The following ARHGEF4 variants were observed in gnomAD, a reference collection of about 807,000 sequenced individuals.
ARHGEF4 encodes APC-stimulated guanine nucleotide exchange factor 1.
A neutral mutation model predicts 162.0 loss-of-function variants in ARHGEF4; 119 were observed. The observed-to-expected ratio is 0.73, with a 90% CI of 0.63 to 0.86. The LOEUF (loss-of-function observed/expected upper bound fraction) is 0.86, where lower values mean the gene tolerates loss of function less well. Among genes scored for constraint, ARHGEF4 ranks in the 40% least tolerant of loss-of-function variants. The pLI is 0.00. For synonymous variants in ARHGEF4, 1,014 were observed against 979.9 expected, an observed-to-expected ratio of 1.03 and a Z score of -0.65; for missense variants, 2,488 against 2,456.0, an observed-to-expected ratio of 1.01 and a Z score of -0.28.
chr2:130,871,227 T>C (rs1678458344), intron 1 of ARHGEF4, among the ~76,000 whole-genome samples: 2 of 152,170 alleles, frequency 1.3e-5, no homozygotes, highest in African/African-American at 2.4e-5. Flanking sequence ...TTTAAAATGC[T>C]CATTAATATA....
chr2:130,946,660 G>T, intron 4 of ARHGEF4, 25 bp downstream of exon 4: 1 of 1,613,036 alleles, frequency 6.2e-7, no homozygotes, highest in Non-Finnish European at 8.5e-7. Context: ...TCTCTCTTTT[G>T]CTATGTACTC....
intron 4 of ARHGEF4, among the ~76,000 whole-genome samples, chr2:131,019,880 C>T (rs574272322): frequency 4.6e-5 from 7 of 152,194 alleles, no homozygotes; most frequent in South Asian, 4.1e-4. Flanking sequence ...GTGATCCGCC[C>T]GCCTCGGCCT....
chr2:130,991,535 C>G (rs981794932), intron 4 of ARHGEF4, among the ~76,000 whole-genome samples: 1 of 152,180 alleles, frequency 6.6e-6, no homozygotes, highest in Admixed American at 6.5e-5. Flanking sequence ...GCCCGGCACT[C>G]GGAGCAGCCG....
chr2:130,856,125 A>G (rs1427919332), intron 1 of ARHGEF4, among the ~76,000 whole-genome samples: 1 of 152,236 alleles, frequency 6.6e-6, no homozygotes, highest in East Asian at 1.9e-4. Context: ...CCATGAATAA[A>G]GAATTCAAGG....
intron 4 of ARHGEF4, among the ~76,000 whole-genome samples, chr2:130,955,145 C>T (rs1030546552): frequency 3.3e-5 from 5 of 152,106 alleles, no homozygotes; most frequent in Admixed American, 6.5e-5. Context: ...GATTTGAATG[C>T]GTTCATTGAT....
chr2:130,916,744 G>C lies in ARHGEF4; in HGVS notation c.2798G>C (p.Arg933Pro), dbSNP rs1488296711. Reference protein sequence around the residue: ...IVLEKENTHERSPSSPKGEKE... With the variant: ...IVLEKENTHEPSPSSPKGEKE... Reference sequence around the variant, plus strand: ...CTAGAGAAAGAGAACACCCATGAACGTTCCCCAAGTTCTCCCAAGGGCGAG... The same window carrying C: ...CTAGAGAAAGAGAACACCCATGAACCTTCCCCAAGTTCTCCCAAGGGCGAG... Residue 933 changes from arginine to proline, a missense_variant, in exon 2 of 14, where the codon CGT (arginine) becomes CCT (proline). Physicochemically the swap from Arg to Pro is moderately radical, Grantham distance 103 (BLOSUM62 -2). This residue lies in a region of ARHGEF4 where 1,642 missense variants were observed against 1,481.5 expected (regional missense o/e 1.11). Coordinates refer to ENST00000409359, the MANE Select transcript of ARHGEF4 (RefSeq NM_001367493.1). The C allele has an allele frequency of 7.7e-6, 12 of 1,550,544 alleles. No individual in the cohort carries two copies. Among genetic ancestry groups the C allele is most frequent in the Admixed American group, 5.9e-5 (3 of 50,980 alleles).
intron 4 of ARHGEF4, among the ~76,000 whole-genome samples, chr2:131,020,226 A>T (rs1689021669): frequency 6.6e-6 from 1 of 151,912 alleles, no homozygotes; most frequent in South Asian, 2.1e-4. Flanking sequence ...TTTAGGGTAC[A>T]TGTGCACAAT....
intron 4 of ARHGEF4, among the ~76,000 whole-genome samples, chr2:130,950,997 C>T (rs1683926473): frequency 6.6e-6 from 1 of 152,214 alleles, no homozygotes; most frequent in South Asian, 2.1e-4. Flanking sequence ...GTCCTTAAAT[C>T]TCAGGAACCA....
chr2:131,002,625 T>G (rs1214774996), intron 4 of ARHGEF4, among the ~76,000 whole-genome samples: 4 of 143,052 alleles, frequency 2.8e-5, no homozygotes, highest in East Asian at 2.1e-4. Context: ...CAGGAGAATG[T>G]CGTGAACCCG....
At chr2:130,966,099 C>T (rs1490555867) in intron 4 of ARHGEF4, among the ~76,000 whole-genome samples, 2 of 152,138 alleles carry the variant, frequency 1.3e-5, no homozygotes, top group Non-Finnish European at 2.9e-5. Context: ...GCACACTACC[C>T]GGGGAGTGCT....
chr2:130,873,590 A>C (rs1266643978), intron 1 of ARHGEF4, among the ~76,000 whole-genome samples: 1 of 151,030 alleles, frequency 6.6e-6, no homozygotes, highest in Non-Finnish European at 1.5e-5. Flanking sequence ...TCCATCTCAA[A>C]AAAAAAAAAA....
At chr2:130,905,181 C>A (rs1295523418) in intron 1 of ARHGEF4, among the ~76,000 whole-genome samples, 1 of 152,132 alleles carries the variant, frequency 6.6e-6, no homozygotes, top group Admixed American at 6.5e-5. Context: ...AAAATTATCG[C>A]ACATTCTCTA....
chr2:130,866,469 A>T (rs1167026776), intron 1 of ARHGEF4, among the ~76,000 whole-genome samples: 1 of 152,158 alleles, frequency 6.6e-6, no homozygotes. Context: ...ATGCTATGTT[A>T]TGTGGCAAAG....
At chr2:130,919,590 T>C (rs1681740129) in intron 2 of ARHGEF4, among the ~76,000 whole-genome samples, 1 of 152,152 alleles carries the variant, frequency 6.6e-6, no homozygotes, top group African/African-American at 2.4e-5. Flanking sequence ...TTAATAGTGA[T>C]ATAGGCCATG....
Position 131,007,800 on chromosome 2 carries a change from C to CTTTTTTTTTTTTT in ARHGEF4, c.3986-20129_3986-20117dup, listed in dbSNP as rs70994731. ...TAAAGCTAAATTATTCTTTTCTTTT[C>CTTTTTTTTTTTTT]TTTTTTTTTTTTTTTTTTTTTTTTT... On this transcript the variant is annotated intron_variant, in intron 4 of 13. Coordinates refer to ENST00000409359, the MANE Select transcript of ARHGEF4 (RefSeq NM_001367493.1). Among the ~76,000 whole-genome samples, 22 of 55,918 alleles carry CTTTTTTTTTTTTT rather than the reference C, an allele frequency of 3.9e-4. 3 individuals carry two copies. In the East Asian group the frequency reaches 5.2e-3, roughly 13 times the overall value. 36.7% of individuals were successfully genotyped at this position (55,918 alleles called of 152,430 possible). A position where few individuals can be genotyped will look rare whatever the true frequency, so the allele number is the denominator to read the frequency against.
At chr2:131,026,806 T>C (rs1239814040) in intron 4 of ARHGEF4, among the ~76,000 whole-genome samples, 1 of 152,192 alleles carries the variant, frequency 6.6e-6, no homozygotes, top group Admixed American at 6.5e-5. Flanking sequence ...TCTGGGAAAC[T>C]ATTTGGTGTG....
In ARHGEF4 at chr2:131,046,429, G is replaced by C; in HGVS notation, c.*240G>C. ...CCGCACTCGCCACACCGCCGCTGCA[G>C]CTTGGGCCCCATCCGCCCTCTGGAC... On this transcript the variant is annotated 3_prime_UTR_variant, in exon 14 of 14. Coordinates refer to ENST00000409359, the MANE Select transcript of ARHGEF4 (RefSeq NM_001367493.1). 1.9e-6 allele frequency: 1 copy of C among 534,118 alleles called. No homozygotes were observed. The highest frequency in any genetic ancestry group is 3.3e-6 in the Non-Finnish European group (1 of 300,134). 33.1% of individuals were successfully genotyped at this position (534,118 alleles called of 1,614,324 possible). A position where few individuals can be genotyped will look rare whatever the true frequency, so the allele number is the denominator to read the frequency against.
intron 4 of ARHGEF4, among the ~76,000 whole-genome samples, chr2:131,018,939 G>T (rs1688925775): frequency 6.6e-6 from 1 of 152,122 alleles, no homozygotes; most frequent in Non-Finnish European, 1.5e-5. Flanking sequence ...AGTTCTATTG[G>T]TCTATATATC....
chr2:131,003,236 A>G lies in ARHGEF4; in HGVS notation c.3986-24709A>G, dbSNP rs182161295. Among the ~76,000 whole-genome samples, 215 of 152,314 alleles carry G rather than the reference A, an allele frequency of 1.4e-3. 3 individuals carry two copies. The highest frequency in any genetic ancestry group is 6.8e-3 in the Middle Eastern group (2 of 294). ...GCACGCACTCTGTACCCAGAGGTCC[A>G]GGTCATGCCGTAAGACACACCCCCT... On this transcript the variant is annotated intron_variant, in intron 4 of 13. Transcript: ENST00000409359.
Sources: gnomAD v4.1 joint callset for allele counts (sites outside exome capture counted in the v4.1 genomes callset) on GRCh38, gnomAD v4.1.1 for gene constraint, gnomAD v4.1.1 regional missense constraint, MANE v1.5 for transcripts, NCBI Gene and HGNC (gene_info 2026-07-23, HGNC 2026-07-21) for gene names.